The following CCT7 variants were observed in gnomAD, a reference collection of about 807,000 sequenced individuals.
CCT7 encodes chaperonin containing TCP1 subunit 7.
Under a neutral mutation model 56.6 loss-of-function variants are expected in CCT7, and 16 were observed. The ratio of observed to expected loss-of-function variants is 0.28; its 90% CI spans 0.19 to 0.43. CCT7 has a LOEUF of 0.43. Ranked by LOEUF, CCT7 falls within the 20% of genes least tolerant of loss-of-function variation. The pLI, the probability that CCT7 is intolerant of heterozygous loss-of-function variation, is 1.00. For synonymous variants in CCT7, 262 were observed against 254.8 expected, an observed-to-expected ratio of 1.03 and a Z score of -0.27; for missense variants, 519 against 685.6, an observed-to-expected ratio of 0.76 and a Z score of 2.71.
Position 73,252,724 on chromosome 2 carries a change from C to T in CCT7, c.1495C>T (p.Arg499Trp), listed in dbSNP as rs370224308. 35 of 1,613,994 alleles carry T rather than the reference C, an allele frequency of 2.2e-5. No individual in the cohort carries two copies. Among genetic ancestry groups the T allele is most frequent in the African/African-American group, 1.7e-4 (13 of 74,908 alleles). Residue 499 changes from arginine (R) to tryptophan (W), a missense_variant, in exon 12 of 12, where the codon CGG (arginine) becomes TGG (tryptophan). Physicochemically the swap from Arg to Trp is moderately radical, Grantham distance 101 (BLOSUM62 -3). Coordinates refer to ENST00000258091, the MANE Select transcript of CCT7 (RefSeq NM_006429.4). ...TTTCGTGTGGGAGCCAGCTATGGTG[C>T]GGATCAATGCGCTGACAGCAGCCTC... ...EAFVWEPAMV[R>W]INALTAASEA...
At position 73,236,360 on chromosome 2, in the gene CCT7, G is replaced by A. The variant is rs13430504; in HGVS notation, c.6+1976G>A. On this transcript the variant is annotated intron_variant, in intron 1 of 11. Coordinates refer to ENST00000258091, the MANE Select transcript of CCT7 (RefSeq NM_006429.4). ...TTTCTTTTTCTTTTTTTTTTTTCCC[G>A]AGATGGAGTCTTGCTCTGTTGCCCA... Among the ~76,000 whole-genome samples, 1,049 of 150,408 alleles carry A rather than the reference G, an allele frequency of 7.0e-3. 13 individuals carry two copies. The highest frequency in any genetic ancestry group is 0.024 in the African/African-American group (981 of 40,896).
chr2:73,234,628 C>G (rs1418274136), intron 1 of CCT7, among the ~76,000 whole-genome samples: 34 of 152,352 alleles, frequency 2.2e-4, no homozygotes, highest in African/African-American at 6.7e-4. Context: ...TTGGGGACTA[C>G]AAGTCCCAGG....
chr2:73,243,534 T>C (rs994104949), intron 4 of CCT7, among the ~76,000 whole-genome samples: 1 of 152,192 alleles, frequency 6.6e-6, no homozygotes, highest in Admixed American at 6.5e-5. Flanking sequence ...CTATCTCTAA[T>C]TTGAGTGGTG....
chr2:73,238,878 A>G (rs1378373927), intron 1 of CCT7, among the ~76,000 whole-genome samples: 6 of 152,208 alleles, frequency 3.9e-5, no homozygotes, highest in African/African-American at 1.4e-4. Flanking sequence ...CCTGTTTCTC[A>G]GTTTCTAAAG....
chr2:73,247,708 G>T, intron 6 of CCT7, 54 bp from the exon 7 acceptor site: 2 of 1,548,840 alleles, frequency 1.3e-6, no homozygotes, highest in South Asian at 2.3e-5. Context: ...CAACTAGCTT[G>T]ATTTTATTTC....
intron 1 of CCT7, chr2:73,238,980 T>G (rs1240658573): frequency 1.3e-5 from 2 of 152,262 alleles, no homozygotes; most frequent in Non-Finnish European, 2.9e-5. Flanking sequence ...GGTATCTGAT[T>G]GGAAATTAGT....
At chr2:73,243,321 A>G (rs1687195493) in intron 4 of CCT7, 192 bp downstream of exon 4, 2 of 613,030 alleles carry the variant, frequency 3.3e-6, no homozygotes, top group Admixed American at 6.4e-5. Flanking sequence ...AATCTCTTTA[A>G]GCCTCAGGTT....
intron 4 of CCT7, 44 bp downstream of exon 4, chr2:73,243,173 C>T: frequency 1.9e-6 from 3 of 1,594,810 alleles, no homozygotes; most frequent in East Asian, 2.2e-5. Context: ...TGGACACCTT[C>T]ACATTTCTCT....
chr2:73,251,199 C>T (rs369546063), intron 10 of CCT7, 27 bp from the exon 11 acceptor site: 3 of 1,607,230 alleles, frequency 1.9e-6, no homozygotes, highest in African/African-American at 1.3e-5. Context: ...GGCCCTCTTA[C>T]ATTGAGAGGT....
rs1271007564 is a variant in CCT7 at position 73,234,413 on chromosome 2, A to C, written c.6+29A>C. 3 of 1,612,576 alleles carry C rather than the reference A, an allele frequency of 1.9e-6. No individual in the cohort carries two copies. In the Admixed American group the frequency reaches 5.0e-5, roughly 27 times the overall value. Reference sequence around the variant, plus strand: ...AGTGGCGTCTCGCGCATCCGTCGCCATCAGCTGCCATCTGGCCGGTGGCCG... The same window carrying C: ...AGTGGCGTCTCGCGCATCCGTCGCCCTCAGCTGCCATCTGGCCGGTGGCCG... On this transcript the variant is annotated intron_variant, in intron 1 of 11. Transcript: ENST00000258091.
At chr2:73,245,948 TC>T (rs1484526102) in intron 6 of CCT7, among the ~76,000 whole-genome samples, 1 of 152,114 alleles carries the variant, frequency 6.6e-6, no homozygotes, top group Non-Finnish European at 1.5e-5. Flanking sequence ...CCTTCCTACT[TC>T]CATAAATGGT....
intron 7 of CCT7, among the ~76,000 whole-genome samples, chr2:73,248,184 G>T (rs1374345841): frequency 6.6e-6 from 1 of 152,136 alleles, no homozygotes; most frequent in African/African-American, 2.4e-5. Context: ...TAGCTACATA[G>T]CCTGCCCGGT....
At chr2:73,247,987 T>TG in intron 7 of CCT7, 61 bp downstream of exon 7, 1 of 1,463,774 alleles carries the variant, frequency 6.8e-7, no homozygotes, top group Non-Finnish European at 9.5e-7. Context: ...GCCAGAGCCC[T>TG]GGGTCTTCAT....
rs554754548 is a variant in CCT7 at position 73,250,586 on chromosome 2, G to T, written c.1203+148G>T. On this transcript the variant is annotated intron_variant, in intron 10 of 11. Transcript: ENST00000258091. ...TGAGCCCTGATTTGCCCCACAAATG[G>T]TAGAGAAACTGAGCCTCAGTTTCTC... is the stretch of plus-strand genomic sequence containing the variant. The T allele has an allele frequency of 1.0e-5, 9 of 866,148 alleles. No homozygotes were observed. The South Asian group carries it at 1.3e-4, about 13-fold the overall frequency. The allele number at this position is 866,148 out of a possible 1,614,324, so 53.7% of individuals were successfully genotyped here.
At chr2:73,244,807 T>A in intron 6 of CCT7, 92 bp downstream of exon 6, 1 of 941,012 alleles carries the variant, frequency 1.1e-6, no homozygotes, top group South Asian at 2.3e-5. Context: ...ATTACAGGAA[T>A]AAAGAGAATG....
intron 11 of CCT7, 106 bp downstream of exon 11, chr2:73,251,538 C>A: frequency 2.1e-6 from 2 of 944,152 alleles, no homozygotes; most frequent in East Asian, 2.6e-5. Flanking sequence ...AGGAGATAGG[C>A]TGCAACTCCC....
rs199840482 is a variant in CCT7 at position 73,244,029 on chromosome 2, C to T, written c.426C>T (p.Thr142=). Residue 142 remains threonine (T), a synonymous_variant, in exon 5 of 12, where the codon ACC becomes ACT. Coordinates refer to ENST00000258091, the MANE Select transcript of CCT7 (RefSeq NM_006429.4). ...ACAAGATCAAAGAGATTGCTGTGACCGTGAAGAAGGCAGATAAAGTGTAAG... is the reference window on the plus strand; with the variant it reads ...ACAAGATCAAAGAGATTGCTGTGACTGTGAAGAAGGCAGATAAAGTGTAAG... ...AVNKIKEIAV[T]VKKADKVEQR... The T allele has an allele frequency of 1.9e-5, 31 of 1,612,316 alleles. No individual in the cohort carries two copies. In the East Asian group the frequency reaches 2.2e-4, roughly 12 times the overall value.
intron 11 of CCT7, among the ~76,000 whole-genome samples, chr2:73,251,679 G>A (rs1391005664): frequency 1.3e-5 from 2 of 152,218 alleles, no homozygotes; most frequent in African/African-American, 4.8e-5. Flanking sequence ...GGTGGCTCAC[G>A]CCTGTAATCC....
chr2:73,239,814 C>T lies in CCT7; in HGVS notation c.160+18C>T, dbSNP rs373460659. ...TGGCAGAGGTAAGTCTACAGAGTTC[C>T]TCAGGCCTGTGTGCAGGAAAGGAGG... On this transcript the variant is annotated intron_variant, in intron 2 of 11. Coordinates refer to ENST00000258091, the MANE Select transcript of CCT7 (RefSeq NM_006429.4). The T allele has an allele frequency of 1.3e-3, 2,060 of 1,613,080 alleles. 40 individuals carry two copies. The South Asian group carries it at 0.022, about 17-fold the overall frequency.
Sources: gnomAD v4.1 joint callset for allele counts (sites outside exome capture counted in the v4.1 genomes callset) on GRCh38, gnomAD v4.1.1 for gene constraint, MANE v1.5 for transcripts, NCBI Gene and HGNC (gene_info 2026-07-23, HGNC 2026-07-21) for gene names.